Variants in IL36B observed in about 807,000 individuals in gnomAD.
The protein encoded by IL36B is interleukin-36 beta.
In IL36B, 23 loss-of-function variants were observed where a neutral mutation model predicts 19.3. The observed-to-expected ratio is 1.19, with a 90% confidence interval of 0.86 to 1.69. The LOEUF is 1.69. Ranked by LOEUF, IL36B falls within the 40% of genes most tolerant of loss-of-function variation. IL36B has a pLI of 0.00. For missense variants in IL36B, 217 were observed against 200.5 expected (o/e 1.08, Z -0.50); for synonymous variants, 59 against 59.7 (o/e 0.99, Z 0.05).
At chr2:113,027,583 G>A (rs868588062) in intron 4 of IL36B, 3 of 1,137,338 alleles carry the variant, frequency 2.6e-6, no homozygotes, top group Non-Finnish European at 2.2e-6. Context: ...TTGGCAAAAG[G>A]AATAGGAATG....
At chr2:113,024,871 C>T (rs1446116368) in intron 5 of IL36B, among the ~76,000 whole-genome samples, 3 of 152,206 alleles carry the variant, frequency 2.0e-5, no homozygotes, top group Non-Finnish European at 4.4e-5. Context: ...CTCAGAAAAC[C>T]TATGTACTAC....
chr2:113,037,243 C>A (rs1465281341), intron 1 of IL36B, among the ~76,000 whole-genome samples: 2 of 152,328 alleles, frequency 1.3e-5, no homozygotes, highest in East Asian at 3.9e-4. Flanking sequence ...ATGTTCCCAG[C>A]ATAAAGTCAC....
intron 1 of IL36B, among the ~76,000 whole-genome samples, chr2:113,035,587 A>G (rs1043601631): frequency 6.6e-6 from 1 of 152,250 alleles, no homozygotes; most frequent in Admixed American, 6.5e-5. Context: ...TGAGAAAAAA[A>G]GCAAGTGAAT....
At chr2:113,051,924 G>T (rs539876669) in intron 1 of IL36B, among the ~76,000 whole-genome samples, 4 of 151,600 alleles carry the variant, frequency 2.6e-5, no homozygotes, top group Non-Finnish European at 4.4e-5. Context: ...CAACTCTGTT[G>T]GTTTCTATTA....
intron 1 of IL36B, among the ~76,000 whole-genome samples, chr2:113,037,870 C>T (rs551352177): frequency 6.6e-5 from 10 of 152,182 alleles, no homozygotes; most frequent in East Asian, 1.9e-4. Context: ...CTACATTTTA[C>T]GTGTTGATTT....
chr2:113,046,157 T>C (rs1411369229), intron 1 of IL36B, among the ~76,000 whole-genome samples: 1 of 152,074 alleles, frequency 6.6e-6, no homozygotes, highest in African/African-American at 2.4e-5. Context: ...ACACCAATAT[T>C]GATACATTAT....
At chr2:113,041,120 C>G (rs1027019030) in intron 1 of IL36B, among the ~76,000 whole-genome samples, 1 of 149,890 alleles carries the variant, frequency 6.7e-6, no homozygotes, top group Non-Finnish European at 1.5e-5. Flanking sequence ...TGAGCCACTG[C>G]ACTCCAGCCC....
At chr2:113,029,905 C>G (rs75829794) in intron 3 of IL36B, among the ~76,000 whole-genome samples, 10 of 152,174 alleles carry the variant, frequency 6.6e-5, no homozygotes, top group African/African-American at 2.4e-4. Flanking sequence ...AAAAGAGGAG[C>G]CAGCAAACCT....
At chr2:113,032,635 G>A (rs1437177530) in intron 1 of IL36B, among the ~76,000 whole-genome samples, 2 of 152,086 alleles carry the variant, frequency 1.3e-5, no homozygotes, top group African/African-American at 2.4e-5. Context: ...CCCATACCTG[G>A]GTTCTAAGCA....
At chr2:113,045,455 T>C (rs757802035) in intron 1 of IL36B, among the ~76,000 whole-genome samples, 1 of 152,220 alleles carries the variant, frequency 6.6e-6, no homozygotes, top group Non-Finnish European at 1.5e-5. Context: ...TGTAGTTTTC[T>C]TCATATTTCA....
chr2:113,025,970 A>G (rs1019035611), intron 5 of IL36B: 2 of 1,386,470 alleles, frequency 1.4e-6, no homozygotes, highest in Non-Finnish European at 1.9e-6. Context: ...TCAATTCAGG[A>G]TGTATTCTTG....
At chr2:113,037,589 C>T (rs1354849040) in intron 1 of IL36B, among the ~76,000 whole-genome samples, 2 of 151,372 alleles carry the variant, frequency 1.3e-5, no homozygotes, top group South Asian at 2.1e-4. Flanking sequence ...GCGGAGGTTG[C>T]GGTGAGCTGA....
chr2:113,035,974 G>C (rs1176921948), intron 1 of IL36B, among the ~76,000 whole-genome samples: 1 of 152,008 alleles, frequency 6.6e-6, no homozygotes, highest in African/African-American at 2.4e-5. Flanking sequence ...CTTTTCTTTT[G>C]CTCTGTCGCC....
At chr2:113,036,236 T>C (rs1198510168) in intron 1 of IL36B, among the ~76,000 whole-genome samples, 3 of 152,150 alleles carry the variant, frequency 2.0e-5, no homozygotes, top group African/African-American at 7.2e-5. Flanking sequence ...TGAGCCAGCG[T>C]ACCAGGCCTG....
rs935484705 is a variant in IL36B at position 113,046,386 on chromosome 2, T to C, written c.-58+6431A>G. ...CACCACGCTCAGCTAATTTTTTGTA[T>C]TTTTAGTAGAGACGGTGTTTCACCA... On this transcript the variant is annotated intron_variant, in intron 1 of 5. Transcript: ENST00000259213. Among the ~76,000 whole-genome samples, 23 of 152,256 alleles carry C rather than the reference T, an allele frequency of 1.5e-4. No individual in the cohort carries two copies. In the East Asian group the frequency reaches 3.9e-3, roughly 26 times the overall value.
intron 1 of IL36B, among the ~76,000 whole-genome samples, chr2:113,047,918 A>T (rs188389852): frequency 3.3e-5 from 5 of 152,278 alleles, no homozygotes; most frequent in African/African-American, 1.2e-4. Context: ...AAAAAATGTT[A>T]ACTCAGGAGA....
chr2:113,052,735 C>A (rs1229025958), intron 1 of IL36B, 82 bp downstream of exon 1: 1 of 152,282 alleles, frequency 6.6e-6, no homozygotes, highest in Non-Finnish European at 1.5e-5. Flanking sequence ...TAGCTACATG[C>A]ATTTTTGGTC....
chr2:113,031,714 T>C lies in IL36B; in HGVS notation c.-5A>G, dbSNP rs534642666. The C allele has an allele frequency of 1.7e-4, 270 of 1,609,658 alleles. 4 individuals carry two copies. In the South Asian group the frequency reaches 2.8e-3, roughly 17 times the overall value. On this transcript the variant is annotated 5_prime_UTR_variant, in exon 2 of 6. Transcript: ENST00000259213. ...CCACTTACGTTGTGGGTTCATGATG[T>C]CTTCAGAGCCTTTTGTGAAGAGAAC...
chr2:113,037,411 A>G (rs1325925966), intron 1 of IL36B, among the ~76,000 whole-genome samples: 1 of 152,152 alleles, frequency 6.6e-6, no homozygotes, highest in East Asian at 1.9e-4. Context: ...GAACTTTGGG[A>G]GGCCAAGACA....
Sources: gnomAD v4.1 joint callset for allele counts (sites outside exome capture counted in the v4.1 genomes callset) on GRCh38, gnomAD v4.1.1 for gene constraint, MANE v1.5 for transcripts, NCBI Gene and HGNC (gene_info 2026-07-23, HGNC 2026-07-21) for gene names.